Variants in MUC12 observed in about 807,000 individuals in gnomAD.
MUC12 encodes mucin 12, cell surface associated.
In MUC12, 172 loss-of-function variants were observed where a neutral mutation model predicts 230.8. The observed-to-expected ratio is 0.75, with a 90% CI of 0.66 to 0.85. The LOEUF (loss-of-function observed/expected upper bound fraction) is 0.85. Among genes scored for constraint, MUC12 ranks in the 40% least tolerant of loss-of-function variants. The pLI, the probability that MUC12 is intolerant of heterozygous loss-of-function variation, is 0.00. For synonymous variants in MUC12, 1,259 were observed against 2,401.9 expected, an observed-to-expected ratio of 0.52 and a Z score of 13.91; for missense variants, 3,506 against 5,920.6, an observed-to-expected ratio of 0.59 and a Z score of 13.38.
At chr7:100,980,859 A>G (rs750591991) in intron 1 of MUC12, among the ~76,000 whole-genome samples, 47 of 152,258 alleles carry the variant, frequency 3.1e-4, no homozygotes, top group Non-Finnish European at 5.4e-4. Flanking sequence ...TTGAGGCTGC[A>G]GTGAGCTAAG....
intron 5 of MUC12, 21 bp downstream of exon 5, chr7:101,009,180 G>A: frequency 6.5e-7 from 1 of 1,534,084 alleles, no homozygotes; most frequent in Non-Finnish European, 8.7e-7. Context: ...TGGGGGGCAG[G>A]TTTATAGATG....
Position 101,005,183 on chromosome 7 carries a change from C to A in MUC12, c.14620C>A (p.His4874Asn). The change falls in exon 2 of 12, where the codon CAT (histidine) becomes AAT (asparagine). Residue 4874 changes from histidine (H) to asparagine (N), a missense_variant. Physicochemically the swap from His to Asn is moderately conservative, Grantham distance 68. Coordinates refer to ENST00000536621, the MANE Select transcript of MUC12 (RefSeq NM_001164462.2). ...AFSHSNTMSI[H>N]SQQSTPFPDS... ...TTCTCACAGCAACACAATGTCCATTCATAGTCAACAATCTACACCCTTCCC... is the reference window on the plus strand; with the variant it reads ...TTCTCACAGCAACACAATGTCCATTAATAGTCAACAATCTACACCCTTCCC... 1 of 1,537,926 alleles carries A rather than the reference C, an allele frequency of 6.5e-7. No homozygotes were observed. Among genetic ancestry groups the A allele is most frequent in the South Asian group, 1.2e-5 (1 of 84,060 alleles).
At chr7:100,979,805 G>GTA (rs61389907) in intron 1 of MUC12, among the ~76,000 whole-genome samples, 84,805 of 150,600 alleles carry the variant, frequency 0.56, 24,121 homozygotes, top group Non-Finnish European at 0.61. Flanking sequence ...AAAATAACAT[G>GTA]TATATATATA....
intron 1 of MUC12, chr7:100,981,466 C>A: frequency 1.9e-6 from 1 of 533,920 alleles, no homozygotes; most frequent in South Asian, 2.4e-5. Context: ...ACTTAGTGAG[C>A]AGGCAAGGGC....
chr7:101,005,800 A>AC (rs968501136), intron 2 of MUC12, among the ~76,000 whole-genome samples: 6 of 146,588 alleles, frequency 4.1e-5, no homozygotes, highest in Non-Finnish European at 9.0e-5. Flanking sequence ...TCTTCTCTGG[A>AC]TTTTTTTTTT....
In MUC12 at chr7:101,004,990, C is replaced by T. The variant is rs370018284; in HGVS notation, c.14427C>T (p.Ser4809=). The T allele has an allele frequency of 5.0e-5, 77 of 1,537,438 alleles. No individual in the cohort carries two copies. The highest frequency in any genetic ancestry group is 6.2e-5 in the Non-Finnish European group (71 of 1,147,008). The change falls in exon 2 of 12, where the codon TCC becomes TCT. Residue 4809 remains serine (S), a synonymous_variant. Transcript: ENST00000536621. ...CAGGCTCAACTGAGACAACACTGTC[C>T]CCTGGCAGCATCACAACTTCATCTT... ...SKPGSTETTL[S]PGSITTSSFA... is the part of the protein sequence containing the mutation.
At chr7:100,981,521 A>G in intron 1 of MUC12, 3 of 455,408 alleles carry the variant, frequency 6.6e-6, no homozygotes, top group Non-Finnish European at 1.2e-5. Flanking sequence ...AGGGTGTCCT[A>G]GGAACTGAAT....
At chr7:100,978,175 C>T (rs1470300527) in intron 1 of MUC12, among the ~76,000 whole-genome samples, 1 of 152,198 alleles carries the variant, frequency 6.6e-6, no homozygotes. Flanking sequence ...ACTGGTGGCT[C>T]TTGCTTTTAA....
chr7:100,991,668 C>G lies in MUC12; in HGVS notation c.1105C>G (p.Gln369Glu), dbSNP rs375071799. The G allele has an allele frequency of 6.5e-7, 1 of 1,537,506 alleles. No individual in the cohort carries two copies. The highest frequency in any genetic ancestry group is 8.7e-7 in the Non-Finnish European group (1 of 1,146,730). The change falls in exon 2 of 12, where the codon CAA becomes GAA. Residue 369 changes from glutamine (Q) to glutamate (E), a missense_variant. Transcript: ENST00000536621. Reference protein sequence around the residue: ...TAYHRSPGSTQTMHFPESSTT... With the variant: ...TAYHRSPGSTETMHFPESSTT... ...CTACCACAGGAGCCCGGGCTCAACT[C>G]AAACAATGCACTTCCCTGAAAGCTC... is the stretch of plus-strand genomic sequence containing the variant.
intron 1 of MUC12, among the ~76,000 whole-genome samples, chr7:100,971,432 G>C (rs1422307105): frequency 6.6e-6 from 1 of 151,192 alleles, no homozygotes; most frequent in African/African-American, 2.4e-5. Context: ...CTGGGGTGGG[G>C]GTCTCTGGAG....
chr7:100,984,299 C>A (rs1333941399), intron 1 of MUC12, among the ~76,000 whole-genome samples: 2 of 151,024 alleles, frequency 1.3e-5, no homozygotes, highest in African/African-American at 2.4e-5. Flanking sequence ...CTGTGTCACC[C>A]AGGCTAGAGT....
chr7:100,991,802 C>G lies in MUC12; in HGVS notation c.1239C>G (p.His413Gln). The part of the protein sequence containing the change: ...TTAALAHTSY[H>Q]SSLGSTETTH... Reference sequence around the variant, plus strand: ...CTGCCCTAGCACATACAAGCTACCACAGCAGCCTGGGCTCAACTGAAACAA... The same window carrying G: ...CTGCCCTAGCACATACAAGCTACCAGAGCAGCCTGGGCTCAACTGAAACAA... The change falls in exon 2 of 12, where the codon CAC (histidine) becomes CAG (glutamine). Residue 413 changes from histidine to glutamine, a missense_variant. Physicochemically the swap from His to Gln is conservative, Grantham distance 24 (BLOSUM62 0). Transcript: ENST00000536621. The G allele has an allele frequency of 1.3e-6, 2 of 1,538,004 alleles. No individual in the cohort carries two copies. Among genetic ancestry groups the G allele is most frequent in the African/African-American group, 1.4e-5 (1 of 73,174 alleles).
intron 1 of MUC12, among the ~76,000 whole-genome samples, chr7:100,975,391 G>C (rs901077290): frequency 6.6e-6 from 1 of 152,310 alleles, no homozygotes; most frequent in Non-Finnish European, 1.5e-5. Flanking sequence ...ATAAAATTGG[G>C]AAGAGAGTGG....
chr7:100,979,183 G>C (rs1268424201), intron 1 of MUC12, among the ~76,000 whole-genome samples: 1 of 152,106 alleles, frequency 6.6e-6, no homozygotes, highest in Non-Finnish European at 1.5e-5. Context: ...GGCAAGAAAG[G>C]ACTCAACTTA....
intron 1 of MUC12, among the ~76,000 whole-genome samples, chr7:100,987,597 G>A (rs565603033): frequency 6.6e-5 from 10 of 152,332 alleles, no homozygotes; most frequent in African/African-American, 2.2e-4. Context: ...GATAATGGGG[G>A]CAGATCCCTG....
intron 9 of MUC12, among the ~76,000 whole-genome samples, chr7:101,014,621 G>C (rs1793888676): frequency 6.6e-6 from 1 of 152,028 alleles, no homozygotes; most frequent in Admixed American, 6.6e-5. Flanking sequence ...GGGATTACAA[G>C]TGCATTCCAC....
chr7:100,979,742 C>T (rs953065943), intron 1 of MUC12, among the ~76,000 whole-genome samples: 3 of 151,934 alleles, frequency 2.0e-5, no homozygotes, highest in Non-Finnish European at 1.5e-5. Context: ...CGCCACTGCG[C>T]TCCAGCCTGG....
Position 101,009,122 on chromosome 7 carries a change from C to G in MUC12, c.15214C>G (p.Leu5072Val), listed in dbSNP as rs1284618440. The change falls in exon 5 of 12, where the codon CTT (leucine) becomes GTT (valine). Residue 5072 changes from leucine (L) to valine (V), a missense_variant. Transcript: ENST00000536621. ...GGATGTCGTTTTGAAGGGCGACAAT[C>G]TTCCTCAGTATAGAGGGGTGAACAT... is the stretch of plus-strand genomic sequence containing the variant. ...RMDVVLKGDN[L>V]PQYRGVNIRR... is the part of the protein sequence containing the mutation. 1 of 1,537,834 alleles carries G rather than the reference C, an allele frequency of 6.5e-7. No homozygotes were observed. Among genetic ancestry groups the G allele is most frequent in the African/African-American group, 1.4e-5 (1 of 73,046 alleles).
intron 1 of MUC12, among the ~76,000 whole-genome samples, chr7:100,972,386 C>T (rs927140847): frequency 0.021 from 23 of 1,098 alleles, no homozygotes; most frequent in Non-Finnish European, 0.034. Context: ...TCTCCACCAG[C>T]GCTCCTCCAC....
Sources: allele counts gnomAD v4.1 joint callset (sites outside exome capture counted in the v4.1 genomes callset), GRCh38; gene constraint gnomAD v4.1.1; transcripts MANE v1.5; gene names NCBI Gene and HGNC (gene_info 2026-07-23, HGNC 2026-07-21).